The following FAM110C variants were observed in gnomAD, a reference collection of about 807,000 sequenced individuals.
The protein encoded by FAM110C is family with sequence similarity 110 member C, also known as protein FAM110C.
Under a neutral mutation model 15.7 loss-of-function variants are expected in FAM110C, and 19 were observed. The observed-to-expected ratio is 1.21, with a 90% CI of 0.85 to 1.78. The LOEUF (loss-of-function observed/expected upper bound fraction) is 1.78. FAM110C is among the 40% of genes most tolerant of loss of function. The probability of loss-of-function intolerance (pLI) is 0.00; values close to 1 mark genes in which losing one functional copy is unlikely to be tolerated. For missense variants in FAM110C, 547 were observed against 495.7 expected (o/e 1.10, Z -0.98); for synonymous variants, 275 against 233.9 (o/e 1.18, Z -1.61).
intron 1 of FAM110C, chr2:42,227 C>G: frequency 1.0e-6 from 1 of 985,396 alleles, no homozygotes; most frequent in Non-Finnish European, 1.2e-6. Flanking sequence ...ATATGAGACA[C>G]AACTCTGTTC....
chr2:46,042 G>C lies in FAM110C; in HGVS notation c.344C>G (p.Ala115Gly). The C allele has an allele frequency of 6.6e-7, 1 of 1,516,694 alleles. No individual in the cohort carries two copies. Among genetic ancestry groups the C allele is most frequent in the Non-Finnish European group, 8.8e-7 (1 of 1,138,476 alleles). 94.0% of individuals were successfully genotyped at this position (1,516,694 alleles called of 1,614,324 possible). Residue 115 changes from alanine to glycine, a missense_variant, in exon 1 of 2, where the codon GCC (alanine) becomes GGC (glycine). Physicochemically the swap from Ala to Gly is moderately conservative, Grantham distance 60. Transcript: ENST00000327669. ...CACCAGGCTTGCCCTGGGGCCGTCG[G>C]CGCCCGATCCTCGCACGAATTCGCA... ...QKCEFVRGSG[A>G]DGPRASLVKK...
rs1364797351 is a variant in FAM110C at position 45,814 on chromosome 2, A to G, written c.572T>C (p.Val191Ala). The change falls in exon 1 of 2, where the codon GTG becomes GCG. Residue 191 changes from valine to alanine, a missense_variant. Physicochemically the swap from Val to Ala is moderately conservative, Grantham distance 64. Transcript: ENST00000327669. ...GCGCTGCAGCCCCCGACGCCTCACCACCCGCGGCTCTGGCCCAGGGGGCGC... is the reference window on the plus strand; with the variant it reads ...GCGCTGCAGCCCCCGACGCCTCACCGCCCGCGGCTCTGGCCCAGGGGGCGC... ...PAAPPGPEPRVVRRRGLQRSQ... is the reference protein window; with the variant it reads ...PAAPPGPEPRAVRRRGLQRSQ... 3.2e-6 allele frequency: 5 copies of G among 1,545,346 alleles called. No homozygotes were observed. The highest frequency in any genetic ancestry group is 4.3e-6 in the Non-Finnish European group (5 of 1,149,510).
In FAM110C at chr2:46,156, G is replaced by A. The variant is rs747399609; in HGVS notation, c.230C>T (p.Pro77Leu). ...CACCGGGGCCGGGGCGCGGGCCGGGGGCCCAGGGTCGTTCCCCGGGCACTT... is the reference window on the plus strand; with the variant it reads ...CACCGGGGCCGGGGCGCGGGCCGGGAGCCCAGGGTCGTTCCCCGGGCACTT... ...AIKCPGNDPG[P>L]PARAPAPVAR... Residue 77 changes from proline (P) to leucine (L), a missense_variant, in exon 1 of 2, where the codon CCC (proline) becomes CTC (leucine). Pro to Leu is a moderately conservative substitution (Grantham distance 98, BLOSUM62 -3). Coordinates refer to ENST00000327669, the MANE Select transcript of FAM110C (RefSeq NM_001077710.3). 7.0e-7 allele frequency: 1 copy of A among 1,418,496 alleles called. No homozygotes were observed. The highest frequency in any genetic ancestry group is 1.5e-5 in the South Asian group (1 of 65,988). The allele number at this position is 1,418,496 out of a possible 1,614,324, so 87.9% of individuals were successfully genotyped here.
intron 1 of FAM110C, chr2:42,042 A>G (rs1265613128): frequency 5.1e-6 from 5 of 985,284 alleles, no homozygotes; most frequent in Non-Finnish European, 6.0e-6. Context: ...TCAAACACCA[A>G]TATCTCTTAA....
intron 1 of FAM110C, chr2:45,020 C>T (rs1403394297): frequency 2.0e-6 from 2 of 985,216 alleles, no homozygotes; most frequent in African/African-American, 1.7e-5. Flanking sequence ...ACATCAGGAC[C>T]GCCCACAGCA....
chr2:46,376 G>A lies in FAM110C; in HGVS notation c.10C>T (p.Leu4=). 2.3e-6 allele frequency: 3 copies of A among 1,296,504 alleles called. No individual in the cohort carries two copies. Among genetic ancestry groups the A allele is most frequent in the Admixed American group, 4.2e-5 (1 of 23,788 alleles). The allele number at this position is 1,296,504 out of a possible 1,614,324, so 80.3% of individuals were successfully genotyped here. A position where few individuals can be genotyped will look rare whatever the true frequency, so the allele number is the denominator to read the frequency against. The change falls in exon 1 of 2, where the codon CTG becomes TTG. Residue 4 remains leucine (L), a synonymous_variant. Transcript: ENST00000327669. ...TTCGGGGGCGCGCTCAGGGCCGCCA[G>A]GGCGCGCATCTTCGCGGGGAATGGA... MRA[L]AALSAPPNER...
rs1359908769 is a variant in FAM110C, at chr2:44,190, A to G, written c.946+1250T>C. ...GTTTGCTTTTTAGAACTTTGCCTAT[A>G]TATATTTGTTGGGAACTTAGGCTAG... On this transcript the variant is annotated intron_variant, in intron 1 of 1. Transcript: ENST00000327669. The G allele has an allele frequency of 5.1e-6, 5 of 985,304 alleles. No individual in the cohort carries two copies. In the East Asian group the frequency reaches 4.5e-4, roughly 89 times the overall value. The allele number at this position is 985,304 out of a possible 1,614,324, so 61.0% of individuals were successfully genotyped here.
In FAM110C at chr2:38,931, T is replaced by C. The variant is rs954644826; in HGVS notation, c.*2677A>G. On this transcript the variant is annotated 3_prime_UTR_variant, in exon 2 of 2. Coordinates refer to ENST00000327669, the MANE Select transcript of FAM110C (RefSeq NM_001077710.3). ...GAAACTGCCATAGCAATTGTCTAAG[T>C]CTACTAATGTTTTCTGGCATCACCA... is the stretch of plus-strand genomic sequence containing the variant. 1 of 152,234 alleles carries C rather than the reference T, an allele frequency of 6.6e-6. No homozygotes were observed. Among genetic ancestry groups the C allele is most frequent in the African/African-American group, 2.4e-5 (1 of 41,456 alleles). The allele number at this position is 152,234 out of a possible 1,614,324, so 9.4% of individuals were successfully genotyped here. A position where few individuals can be genotyped will look rare whatever the true frequency, so the allele number is the denominator to read the frequency against.
At position 40,521 on chromosome 2, in the gene FAM110C, G is replaced by A. The variant is rs1398347451; in HGVS notation, c.*1087C>T. On this transcript the variant is annotated 3_prime_UTR_variant, in exon 2 of 2. Coordinates refer to ENST00000327669, the MANE Select transcript of FAM110C (RefSeq NM_001077710.3). ...AATCTATTCACTCTGGGTGTCATAA[G>A]CAAGTTCAGAATTAGGGACCCAGTA... 1.3e-5 allele frequency: 2 copies of A among 152,198 alleles called. No individual in the cohort carries two copies. Among genetic ancestry groups the A allele is most frequent in the Non-Finnish European group, 2.9e-5 (2 of 68,042 alleles). The allele number at this position is 152,198 out of a possible 1,614,324, so 9.4% of individuals were successfully genotyped here.
chr2:44,672 A>C, intron 1 of FAM110C: 1 of 985,424 alleles, frequency 1.0e-6, no homozygotes, highest in Non-Finnish European at 1.2e-6. Flanking sequence ...CCCAGTGAAA[A>C]GCAAAAAGAG....
At chr2:45,114 C>A in intron 1 of FAM110C, 2 of 985,436 alleles carry the variant, frequency 2.0e-6, no homozygotes, top group East Asian at 1.1e-4. Flanking sequence ...TGCTTTCTGG[C>A]AGCATTTTGG....
chr2:41,487 CTTG>C lies in FAM110C; in HGVS notation c.*118_*120del, dbSNP rs1266472732. On this transcript the variant is annotated 3_prime_UTR_variant, in exon 2 of 2. Coordinates refer to ENST00000327669, the MANE Select transcript of FAM110C (RefSeq NM_001077710.3). ...TAGTATTTTAAACCTTCTCAGAGCACTTGTTTTGTCAATGGGATGCTGCATTCC... is the reference window on the plus strand; with the variant it reads ...TAGTATTTTAAACCTTCTCAGAGCACTTTTGTCAATGGGATGCTGCATTCC... 2 of 1,161,422 alleles carry C rather than the reference CTTG, an allele frequency of 1.7e-6. No homozygotes were observed. Among genetic ancestry groups the C allele is most frequent in the Non-Finnish European group, 2.5e-6 (2 of 806,486 alleles). 71.9% of individuals were successfully genotyped at this position (1,161,422 alleles called of 1,614,324 possible). A position where few individuals can be genotyped will look rare whatever the true frequency, so the allele number is the denominator to read the frequency against.
chr2:45,061 C>T, intron 1 of FAM110C: 1 of 985,432 alleles, frequency 1.0e-6, no homozygotes. Flanking sequence ...CTAGGGCTCT[C>T]AAGCTGTTTT....
rs796506200 is a variant in FAM110C, at chr2:42,592, C to T, written c.947-965G>A. Among the ~76,000 whole-genome samples, 5 of 152,312 alleles carry T rather than the reference C, an allele frequency of 3.3e-5. No individual in the cohort carries two copies. In the South Asian group the frequency reaches 1.0e-3, roughly 32 times the overall value. ...CAACCAACTACTGCTCATGGGTTCC[C>T]CAGAGGACTTGTGTGCGGATTATAC... is the stretch of plus-strand genomic sequence containing the variant. On this transcript the variant is annotated intron_variant, in intron 1 of 1. Coordinates refer to ENST00000327669, the MANE Select transcript of FAM110C (RefSeq NM_001077710.3).
intron 1 of FAM110C, chr2:45,230 G>A: frequency 1.0e-6 from 1 of 985,452 alleles, no homozygotes; most frequent in Non-Finnish European, 1.2e-6. Context: ...TGGACCAGCA[G>A]GTGCCTGGAT....
intron 1 of FAM110C, 80 bp from the exon 2 acceptor site, chr2:41,707 G>T (rs914677478): frequency 4.4e-5 from 68 of 1,532,362 alleles, no homozygotes; most frequent in Non-Finnish European, 5.6e-5. Context: ...CATTATACTG[G>T]TCTGGTCCCT....
Position 46,366 on chromosome 2 carries a change from A to T in FAM110C, c.20T>A (p.Leu7Gln). Residue 7 changes from leucine to glutamine, a missense_variant, in exon 1 of 2, where the codon CTG becomes CAG. Coordinates refer to ENST00000327669, the MANE Select transcript of FAM110C (RefSeq NM_001077710.3). ...GAGCCGCTCGTTCGGGGGCGCGCTCAGGGCCGCCAGGGCGCGCATCTTCGC... is the reference window on the plus strand; with the variant it reads ...GAGCCGCTCGTTCGGGGGCGCGCTCTGGGCCGCCAGGGCGCGCATCTTCGC... MRALAA[L>Q]SAPPNERLLP... 39 of 1,298,668 alleles carry T rather than the reference A, an allele frequency of 3.0e-5. No homozygotes were observed. Among genetic ancestry groups the T allele is most frequent in the Non-Finnish European group, 3.7e-5 (38 of 1,025,778 alleles). The allele number at this position is 1,298,668 out of a possible 1,614,324, so 80.4% of individuals were successfully genotyped here. A position where few individuals can be genotyped will look rare whatever the true frequency, so the allele number is the denominator to read the frequency against.
In FAM110C at chr2:42,062, C is replaced by T. The variant is rs970171305; in HGVS notation, c.947-435G>A. ...CACCAATATCTCTTAAAGGCCCAGG[C>T]GCGGGTCACACGACAGGGAAGAGTG... is the stretch of plus-strand genomic sequence containing the variant. On this transcript the variant is annotated intron_variant, in intron 1 of 1. Transcript: ENST00000327669. The T allele has an allele frequency of 1.1e-5, 11 of 985,348 alleles. No individual in the cohort carries two copies. In the East Asian group the frequency reaches 5.7e-4, roughly 51 times the overall value. The allele number at this position is 985,348 out of a possible 1,614,324, so 61.0% of individuals were successfully genotyped here.
Position 45,918 on chromosome 2 carries a change from A to G in FAM110C, c.468T>C (p.Pro156=). The G allele has an allele frequency of 1.4e-6, 2 of 1,425,036 alleles. No homozygotes were observed. The highest frequency in any genetic ancestry group is 3.3e-5 in the Admixed American group (1 of 30,596). The allele number at this position is 1,425,036 out of a possible 1,614,324, so 88.3% of individuals were successfully genotyped here. ...GGATTGCGGGGTCCGCCGCGGGGCC[A>G]GGAGTGGTCGGGACCGTCTCCGGGT... ...AGNPETVPTT[P]GPAADPAIPE... The change falls in exon 1 of 2, where the codon CCT becomes CCC. Residue 156 remains proline, a synonymous_variant. Transcript: ENST00000327669.
Sources: allele counts gnomAD v4.1 joint callset (sites outside exome capture counted in the v4.1 genomes callset), GRCh38; gene constraint gnomAD v4.1.1; transcripts MANE v1.5; gene names NCBI Gene and HGNC (gene_info 2026-07-23, HGNC 2026-07-21).